PRDM16: variants seen among roughly 807,000 people sequenced by gnomAD.
PRDM16 encodes the protein histone-lysine N-methyltransferase PRDM16.
In PRDM16, 23 loss-of-function variants were observed where a neutral mutation model predicts 110.6. The observed-to-expected ratio is 0.21, with a 90% CI of 0.15 to 0.29. PRDM16 has a LOEUF of 0.29. PRDM16 is among the 10% of genes least tolerant of loss of function. The pLI is 1.00. For missense variants in PRDM16, 1,615 were observed against 1,794.3 expected (o/e 0.90, Z 1.81); for synonymous variants, 799 against 781.8 (o/e 1.02, Z -0.37).
chr1:3,299,008 C>T (rs1366992442), intron 3 of PRDM16, among the ~76,000 whole-genome samples: 4 of 152,218 alleles, frequency 2.6e-5, no homozygotes, highest in Non-Finnish European at 4.4e-5. Flanking sequence ...AAATGGACTT[C>T]CTGGAATTTT....
Position 3,404,849 on chromosome 1 carries a change from A to G in PRDM16, c.995A>G (p.Asp332Gly). The change falls in exon 7 of 17, where the codon GAC becomes GGC. Residue 332 changes from aspartate (D) to glycine (G), a missense_variant. By Grantham distance (94) the Asp-to-Gly change is moderately conservative (BLOSUM62 -1). This residue lies in a region of PRDM16 where 416 missense variants were observed against 467.1 expected (regional missense o/e 0.89). Coordinates refer to ENST00000270722, the MANE Select transcript of PRDM16 (RefSeq NM_022114.4). ...CTCATCCGCCACCAGATGTCCCACG[A>G]CAGCGGCAAACGCTTCGAATGTGAA... is the stretch of plus-strand genomic sequence containing the variant. ...SNLIRHQMSHDSGKRFECENC... is the reference protein window; with the variant it reads ...SNLIRHQMSHGSGKRFECENC... 1 of 1,613,438 alleles carries G rather than the reference A, an allele frequency of 6.2e-7. No homozygotes were observed. The highest frequency in any genetic ancestry group is 8.5e-7 in the Non-Finnish European group (1 of 1,179,974).
chr1:3,072,932 C>A (rs1020190997), intron 1 of PRDM16, among the ~76,000 whole-genome samples: 1 of 152,242 alleles, frequency 6.6e-6, no homozygotes, highest in African/African-American at 2.4e-5. Flanking sequence ...CGGAAGCTGG[C>A]AGGAGGGGCT....
At position 3,353,581 on chromosome 1, in the gene PRDM16, C is replaced by T. The variant is rs901610463; in HGVS notation, c.439-31571C>T. 6.6e-6 allele frequency among the ~76,000 whole-genome samples: 1 copy of T among 152,208 alleles called. No homozygotes were observed. Among genetic ancestry groups the T allele is most frequent in the African/African-American group, 2.4e-5 (1 of 41,466 alleles). On this transcript the variant is annotated intron_variant, in intron 3 of 16. Transcript: ENST00000270722. This position sits in a 1 kb window ranked among gnomAD's most constrained non-coding sequence, Gnocchi z 5.4. ...TACTGGGGGCCACGGGCTGAGGGCA[C>T]AGGCCACAGGGGATGAGTCCAGCCC...
At chr1:3,374,460 G>C (rs1332011227) in intron 3 of PRDM16, among the ~76,000 whole-genome samples, 6 of 152,238 alleles carry the variant, frequency 3.9e-5, no homozygotes, top group African/African-American at 1.4e-4. Context: ...AGAGACGGAG[G>C]CTCCCTGGAC....
intron 2 of PRDM16, among the ~76,000 whole-genome samples, chr1:3,220,957 G>C (rs971576964): frequency 6.6e-6 from 1 of 152,208 alleles, no homozygotes; most frequent in Non-Finnish European, 1.5e-5. Context: ...GGTGATTTCA[G>C]AATCCATCCC....
intron 10 of PRDM16, 81 bp downstream of exon 10, chr1:3,414,728 C>A (rs1275610005): frequency 9.2e-7 from 1 of 1,089,060 alleles, no homozygotes; most frequent in Non-Finnish European, 1.4e-6. Context: ...GCTCAGTGGC[C>A]AGGCTGGAGC....
At chr1:3,193,193 G>A (rs1638361024) in intron 2 of PRDM16, among the ~76,000 whole-genome samples, 1 of 152,204 alleles carries the variant, frequency 6.6e-6, no homozygotes, top group African/African-American at 2.4e-5. Context: ...TGCAGGCATT[G>A]GGAGAGTCAC....
At chr1:3,360,888 T>G (rs1304089877) in intron 3 of PRDM16, among the ~76,000 whole-genome samples, 3 of 152,118 alleles carry the variant, frequency 2.0e-5, no homozygotes, top group Non-Finnish European at 1.5e-5. Flanking sequence ...AAGTGGAACA[T>G]CCCTGGAAAG....
At chr1:3,171,664 C>T (rs1347275608) in intron 1 of PRDM16, among the ~76,000 whole-genome samples, 2 of 152,214 alleles carry the variant, frequency 1.3e-5, no homozygotes, top group Non-Finnish European at 2.9e-5. Context: ...CCTCCTCGGG[C>T]TGGCAAGCCC....
chr1:3,336,100 G>A (rs1642139974), intron 3 of PRDM16, among the ~76,000 whole-genome samples: 1 of 152,232 alleles, frequency 6.6e-6, no homozygotes, highest in South Asian at 2.1e-4. Context: ...GAACAGTGAA[G>A]ATGAAGGGAG....
Position 3,081,226 on chromosome 1 carries a change from G to A in PRDM16, c.37+11930G>A, listed in dbSNP as rs368547141. On this transcript the variant is annotated intron_variant, in intron 1 of 16. Coordinates refer to ENST00000270722, the MANE Select transcript of PRDM16 (RefSeq NM_022114.4). The surrounding 1 kb of genome is among the most constrained non-coding windows in gnomAD (Gnocchi z 4.6). ...TGAATCTCATCTGCTAATTACGGCGGCGGGACTTGGGTTCGAGGCCCCTCG... is the reference window on the plus strand; with the variant it reads ...TGAATCTCATCTGCTAATTACGGCGACGGGACTTGGGTTCGAGGCCCCTCG... Among the ~76,000 whole-genome samples the A allele has an allele frequency of 1.5e-4, 23 of 152,372 alleles. 2 individuals are homozygous for A. In the East Asian group the frequency reaches 4.4e-3, roughly 29 times the overall value.
chr1:3,413,176 G>A lies in PRDM16; in HGVS notation c.2603+376G>A, dbSNP rs188321066. ...TTCCCCACCCCTCTCTCCAGCTGTC[G>A]TCTCTGGTCTAGCTCTCCCCAGCCT... On this transcript the variant is annotated intron_variant, in intron 9 of 16. Transcript: ENST00000270722. Among the ~76,000 whole-genome samples the A allele has an allele frequency of 2.6e-3, 381 of 148,308 alleles. 2 individuals carry two copies. Among genetic ancestry groups the A allele is most frequent in the African/African-American group, 9.3e-3 (369 of 39,724 alleles).
chr1:3,172,549 A>AC (rs1395534731), intron 1 of PRDM16, among the ~76,000 whole-genome samples: 1 of 152,212 alleles, frequency 6.6e-6, no homozygotes, highest in Non-Finnish European at 1.5e-5. Context: ...GACACACCAC[A>AC]GTGTCCATCC....
chr1:3,286,070 G>C (rs1007237291), intron 3 of PRDM16, among the ~76,000 whole-genome samples: 1 of 152,180 alleles, frequency 6.6e-6, no homozygotes, highest in Non-Finnish European at 1.5e-5. Context: ...TTTTTAAAAA[G>C]TCAATTACAG....
intron 1 of PRDM16, among the ~76,000 whole-genome samples, chr1:3,071,803 A>G (rs1330635793): frequency 2.0e-5 from 3 of 152,184 alleles, no homozygotes; most frequent in Non-Finnish European, 4.4e-5. Flanking sequence ...CAGAACAGCA[A>G]CCAGGCCAGT....
At chr1:3,266,382 T>C (rs1238351886) in intron 3 of PRDM16, among the ~76,000 whole-genome samples, 1 of 152,066 alleles carries the variant, frequency 6.6e-6, no homozygotes, top group Non-Finnish European at 1.5e-5. Context: ...GCCGGAGCCT[T>C]TTCGCCCCGA....
intron 8 of PRDM16, among the ~76,000 whole-genome samples, chr1:3,408,473 T>C (rs2483225): frequency 0.58 from 87,575 of 152,134 alleles, 27,017 homozygotes; most frequent in African/African-American, 0.81. Context: ...TTAATAAGTA[T>C]GCACGTGTGA....
intron 5 of PRDM16, 129 bp downstream of exon 5, chr1:3,396,722 C>G (rs113682159): frequency 0.016 from 9,729 of 594,882 alleles, 107 homozygotes; most frequent in Non-Finnish European, 0.023. Context: ...CCAGGCGGCC[C>G]CCAAGTGCTA....
chr1:3,165,769 G>T (rs186190198), intron 1 of PRDM16, among the ~76,000 whole-genome samples: 3 of 66,066 alleles, frequency 4.5e-5, no homozygotes, highest in African/African-American at 1.1e-4. Context: ...CCAGGGACAG[G>T]GACTCACCAG....
Sources: allele counts gnomAD v4.1 joint callset (sites outside exome capture counted in the v4.1 genomes callset), GRCh38; gene constraint gnomAD v4.1.1; regional missense constraint gnomAD v4.1.1; non-coding constraint Gnocchi (gnomAD v3.1); transcripts MANE v1.5; gene names NCBI Gene and HGNC (gene_info 2026-07-23, HGNC 2026-07-21).